The following TWIST2 variants were observed in gnomAD, a reference collection of about 807,000 sequenced individuals.
TWIST2 encodes the protein twist family bHLH transcription factor 2.
In TWIST2, 1 loss-of-function variant was observed where a neutral mutation model predicts 11.6. That is an observed-to-expected ratio of 0.09 (90% CI 0.03 to 0.41). The LOEUF is 0.41. TWIST2 is among the 10% of genes least tolerant of loss of function. The pLI, the probability that TWIST2 is intolerant of heterozygous loss-of-function variation, is 0.98. For missense variants in TWIST2, 168 were observed against 226.4 expected, an observed-to-expected ratio of 0.74 and a Z score of 1.66; for synonymous variants, 87 against 96.6, an observed-to-expected ratio of 0.90 and a Z score of 0.58.
chr2:238,871,412 CACACCACAA>C (rs1237659211), intron 1 of TWIST2, among the ~76,000 whole-genome samples: 8 of 77,398 alleles, frequency 1.0e-4, no homozygotes, highest in African/African-American at 3.5e-4. Context: ...ACACCCCACA[CACACCACAA>C]CCCCACACGC....
intron 1 of TWIST2, among the ~76,000 whole-genome samples, chr2:238,896,147 G>C (rs1048640754): frequency 6.6e-5 from 10 of 152,136 alleles, no homozygotes; most frequent in Non-Finnish European, 1.3e-4. Flanking sequence ...GTCACGGAGG[G>C]GGGAGAGAGG....
intron 1 of TWIST2, among the ~76,000 whole-genome samples, chr2:238,853,403 GGGAGAGAGGGAGAGATGGAGAGAGAGAA>G (rs1300102871): frequency 2.6e-4 from 39 of 148,856 alleles, no homozygotes; most frequent in Non-Finnish European, 4.6e-4. Flanking sequence ...GAGAGAGAGA[GGGAGAGAGGGAGAGATGGAGAGAGAGAA>G]GGAGAGAGGG....
chr2:238,853,999 C>T (rs988057037), intron 1 of TWIST2, among the ~76,000 whole-genome samples: 1 of 152,178 alleles, frequency 6.6e-6, no homozygotes, highest in Non-Finnish European at 1.5e-5. Context: ...TATTGTTTTC[C>T]TCTGTTATTT....
At chr2:238,880,892 TTTATTA>T (rs1040530709) in intron 1 of TWIST2, among the ~76,000 whole-genome samples, 4 of 107,912 alleles carry the variant, frequency 3.7e-5, no homozygotes, top group African/African-American at 1.4e-4. Context: ...AGTGTTGGTA[TTTATTA>T]TTATTAGTGT....
chr2:238,907,935 AAC>A (rs1486758000), intron 1 of TWIST2, among the ~76,000 whole-genome samples: 1 of 147,662 alleles, frequency 6.8e-6, no homozygotes, highest in African/African-American at 2.5e-5. Context: ...ACCACACACA[AAC>A]ACACATCACA....
At chr2:238,903,555 G>A (rs1211535634) in intron 1 of TWIST2, among the ~76,000 whole-genome samples, 1 of 146,334 alleles carries the variant, frequency 6.8e-6, no homozygotes, top group African/African-American at 2.6e-5. Flanking sequence ...GTTGTGGGAT[G>A]TGTGATGTAG....
chr2:238,896,358 G>C (rs1693207449), intron 1 of TWIST2, among the ~76,000 whole-genome samples: 1 of 152,192 alleles, frequency 6.6e-6, no homozygotes, highest in East Asian at 1.9e-4. Context: ...GGGCCACCAG[G>C]CTGCGCTGGA....
chr2:238,909,457 G>A (rs982986574), intron 1 of TWIST2, among the ~76,000 whole-genome samples: 3 of 152,138 alleles, frequency 2.0e-5, no homozygotes, highest in African/African-American at 7.2e-5. Context: ...CGGGGCCAAC[G>A]TGCCGAGCCT....
chr2:238,877,763 TA>T (rs1368177431), intron 1 of TWIST2, among the ~76,000 whole-genome samples: 1 of 152,228 alleles, frequency 6.6e-6, no homozygotes, highest in African/African-American at 2.4e-5. Context: ...TTTTACAATT[TA>T]ATTTATATAT....
chr2:238,896,005 C>T (rs1185029005), intron 1 of TWIST2, among the ~76,000 whole-genome samples: 2 of 152,214 alleles, frequency 1.3e-5, no homozygotes, highest in Admixed American at 6.5e-5. Flanking sequence ...GTGAAGTCCT[C>T]GCTCCCCTGG....
chr2:238,880,186 T>C (rs1692885408), intron 1 of TWIST2, among the ~76,000 whole-genome samples: 1 of 152,096 alleles, frequency 6.6e-6, no homozygotes, highest in Non-Finnish European at 1.5e-5. Flanking sequence ...TGTTAGTATT[T>C]ATTGGTATTG....
chr2:238,901,323 C>G (rs1693266770), intron 1 of TWIST2, among the ~76,000 whole-genome samples: 1 of 152,200 alleles, frequency 6.6e-6, no homozygotes, highest in African/African-American at 2.4e-5. Flanking sequence ...GGAGCACTCT[C>G]TGATGTATTT....
intron 1 of TWIST2, among the ~76,000 whole-genome samples, chr2:238,906,337 C>T (rs1693354202): frequency 6.7e-6 from 1 of 149,274 alleles, no homozygotes; most frequent in African/African-American, 2.5e-5. Flanking sequence ...CATGCTTACA[C>T]ACACACACTG....
At chr2:238,907,896 A>AC (rs1397416194) in intron 1 of TWIST2, among the ~76,000 whole-genome samples, 142,643 of 143,588 alleles carry the variant, frequency 0.99, 70,851 homozygotes, top group Middle Eastern at 1. Flanking sequence ...AACACACTAC[A>AC]CCCCCACTTA....
intron 1 of TWIST2, among the ~76,000 whole-genome samples, chr2:238,896,147 G>T (rs1048640754): frequency 2.0e-5 from 3 of 152,252 alleles, no homozygotes; most frequent in Middle Eastern, 3.4e-3. Flanking sequence ...GTCACGGAGG[G>T]GGGAGAGAGG....
At chr2:238,875,616 G>A (rs896826093) in intron 1 of TWIST2, among the ~76,000 whole-genome samples, 1 of 152,130 alleles carries the variant, frequency 6.6e-6, no homozygotes, top group Non-Finnish European at 1.5e-5. Flanking sequence ...TGGGCTGGAC[G>A]TTTACAAACA....
Position 238,864,923 on chromosome 2 carries a change from CG to C in TWIST2, c.*35+16193del, listed in dbSNP as rs1214147575. Among the ~76,000 whole-genome samples the C allele has an allele frequency of 2.0e-5, 3 of 152,090 alleles. No individual in the cohort carries two copies. The highest frequency in any genetic ancestry group is 4.4e-5 in the Non-Finnish European group (3 of 68,008). On this transcript the variant is annotated intron_variant, in intron 1 of 1. Transcript: ENST00000612363. The surrounding 1 kb of genome is among the most constrained non-coding windows in gnomAD (Gnocchi z 4.7). ...GAGCAGAGAGCTCCGGAAGGCCTGCCGGGAGGACCTGGAGGATGCATCTACT... is the reference window on the plus strand; with the variant it reads ...GAGCAGAGAGCTCCGGAAGGCCTGCCGGAGGACCTGGAGGATGCATCTACT...
chr2:238,892,497 T>C (rs994414647), intron 1 of TWIST2, among the ~76,000 whole-genome samples: 2 of 152,184 alleles, frequency 1.3e-5, no homozygotes, highest in Non-Finnish European at 2.9e-5. Context: ...TTTGTTTTTT[T>C]TGAGATGGAA....
intron 1 of TWIST2, chr2:238,887,001 G>T (rs1693049387): frequency 6.6e-6 from 1 of 152,178 alleles, no homozygotes; most frequent in Non-Finnish European, 1.5e-5. Flanking sequence ...TCTTGGAGTT[G>T]TTTTTTCAAG....
Sources: allele counts gnomAD v4.1 joint callset (sites outside exome capture counted in the v4.1 genomes callset), GRCh38; gene constraint gnomAD v4.1.1; non-coding constraint Gnocchi (gnomAD v3.1); transcripts MANE v1.5; gene names NCBI Gene and HGNC (gene_info 2026-07-23, HGNC 2026-07-21).